Variants in LRP1B observed in about 807,000 individuals in gnomAD.
LRP1B encodes the protein LDL receptor related protein 1B, also known as low-density lipoprotein receptor-related protein 1B.
Under a neutral mutation model 556.6 loss-of-function variants are expected in LRP1B, and 217 were observed. The ratio of observed to expected loss-of-function variants is 0.39; its 90% CI spans 0.35 to 0.44. The LOEUF (loss-of-function observed/expected upper bound fraction) is 0.44, where lower values mean the gene tolerates loss of function less well. Ranked by LOEUF, LRP1B falls within the 20% of genes least tolerant of loss-of-function variation. The pLI is 1.00. For missense variants in LRP1B, 5,053 were observed against 5,620.8 expected (o/e 0.90, Z 3.23); for synonymous variants, 2,047 against 1,865.8 (o/e 1.10, Z -2.50).
chr2:140,901,620 G>T (rs1202907662), intron 23 of LRP1B, among the ~76,000 whole-genome samples: 1 of 151,936 alleles, frequency 6.6e-6, no homozygotes, highest in African/African-American at 2.4e-5. Context: ...CATTATTTTT[G>T]ACTACAGTCA....
intron 25 of LRP1B, among the ~76,000 whole-genome samples, chr2:140,876,116 T>C (rs572184416): frequency 2.0e-4 from 31 of 152,256 alleles, no homozygotes; most frequent in African/African-American, 7.2e-4. Flanking sequence ...TCAGAACTCA[T>C]GGAGAGCTGA....
chr2:141,323,995 T>TCACA (rs57960872), intron 3 of LRP1B, among the ~76,000 whole-genome samples: 52,595 of 106,756 alleles, frequency 0.49, 13,066 homozygotes, highest in Non-Finnish European at 0.57. Flanking sequence ...AGCAAGGAAA[T>TCACA]CACACACACA....
intron 3 of LRP1B, among the ~76,000 whole-genome samples, chr2:141,285,582 C>T (rs1192063028): frequency 3.4e-5 from 5 of 146,970 alleles, no homozygotes; most frequent in Non-Finnish European, 4.5e-5. Context: ...CAGCCTCCCA[C>T]GTAGCTGGAA....
chr2:140,899,979 GA>G (rs57941895), intron 23 of LRP1B, among the ~76,000 whole-genome samples: 9,122 of 148,716 alleles, frequency 0.061, 286 homozygotes, highest in East Asian at 0.11. Flanking sequence ...TTTAAAACAA[GA>G]AAAAAAAACA....
At chr2:141,286,877 G>A (rs190830560) in intron 3 of LRP1B, 3 of 308,908 alleles carry the variant, frequency 9.7e-6, no homozygotes, top group East Asian at 8.7e-5. Flanking sequence ...ATTCTACATC[G>A]GCATTGCCCA....
intron 7 of LRP1B, among the ~76,000 whole-genome samples, chr2:141,152,745 ATATTT>A (rs1558895903): frequency 6.6e-6 from 1 of 151,796 alleles, no homozygotes; most frequent in Non-Finnish European, 1.5e-5. Flanking sequence ...TCCTTCTCAA[ATATTT>A]TATTATCACA....
At chr2:141,160,409 T>A (rs1466211200) in intron 7 of LRP1B, among the ~76,000 whole-genome samples, 3 of 152,134 alleles carry the variant, frequency 2.0e-5, no homozygotes, top group Admixed American at 6.6e-5. Context: ...TAGGTATTTA[T>A]CCTAGAAAAA....
At chr2:141,070,718 T>A (rs1326922716) in intron 7 of LRP1B, among the ~76,000 whole-genome samples, 1 of 152,064 alleles carries the variant, frequency 6.6e-6, no homozygotes, top group Non-Finnish European at 1.5e-5. Context: ...CAGAGAATAC[T>A]ACAAACACCT....
At chr2:141,219,381 T>C (rs866226841) in intron 6 of LRP1B, among the ~76,000 whole-genome samples, 7 of 152,160 alleles carry the variant, frequency 4.6e-5, no homozygotes, top group African/African-American at 1.4e-4. Context: ...TCCTTTCTCA[T>C]TGGGCAGGGC....
chr2:140,364,537 A>AGG, intron 72 of LRP1B, 124 bp downstream of exon 72: 1 of 1,125,634 alleles, frequency 8.9e-7, no homozygotes, highest in Non-Finnish European at 1.2e-6. Flanking sequence ...ATCTGTGGTT[A>AGG]TACTTTATCT....
intron 18 of LRP1B, among the ~76,000 whole-genome samples, chr2:140,969,542 A>T (rs1339003420): frequency 5.9e-5 from 9 of 152,108 alleles, no homozygotes; most frequent in Admixed American, 5.9e-4. Context: ...TAATATTGTT[A>T]TGTGTGAATT....
intron 7 of LRP1B, among the ~76,000 whole-genome samples, chr2:141,107,667 A>T (rs533381124): frequency 2.7e-5 from 4 of 146,866 alleles, no homozygotes; most frequent in African/African-American, 9.9e-5. Context: ...AGAAAGAAAG[A>T]CTATATTTAA....
At chr2:141,579,418 C>T (rs374655343) in intron 2 of LRP1B, among the ~76,000 whole-genome samples, 2 of 152,194 alleles carry the variant, frequency 1.3e-5, no homozygotes, top group East Asian at 3.9e-4. Context: ...AGATCTCCAG[C>T]CTCTATTTTT....
At chr2:141,191,389 C>G (rs942003566) in intron 6 of LRP1B, among the ~76,000 whole-genome samples, 2 of 152,016 alleles carry the variant, frequency 1.3e-5, no homozygotes, top group Admixed American at 1.3e-4. Context: ...CTATCCTATG[C>G]CTCAAAATAC....
At chr2:140,675,818 G>T (rs1053434908) in intron 41 of LRP1B, among the ~76,000 whole-genome samples, 6 of 152,088 alleles carry the variant, frequency 3.9e-5, no homozygotes, top group African/African-American at 9.7e-5. Flanking sequence ...ATGTATGTGT[G>T]TGTGCATACA....
intron 1 of LRP1B, among the ~76,000 whole-genome samples, chr2:141,848,792 C>T (rs1466495834): frequency 1.3e-5 from 2 of 151,320 alleles, no homozygotes; most frequent in Admixed American, 6.6e-5. Flanking sequence ...ATTTAAAAAA[C>T]AAGAGGAAAT....
chr2:141,674,747 G>A (rs2105418853), intron 2 of LRP1B, among the ~76,000 whole-genome samples: 1 of 152,038 alleles, frequency 6.6e-6, no homozygotes, highest in East Asian at 1.9e-4. Context: ...GGAATCGCAG[G>A]GAATTGTATC....
chr2:141,878,286 A>C (rs1420595270), intron 1 of LRP1B, among the ~76,000 whole-genome samples: 3 of 151,980 alleles, frequency 2.0e-5, no homozygotes, highest in African/African-American at 7.2e-5. Flanking sequence ...AAAGGAATTT[A>C]AACAGTCTAT....
chr2:140,555,498 T>C (rs1558965168), intron 43 of LRP1B, among the ~76,000 whole-genome samples: 1 of 152,098 alleles, frequency 6.6e-6, no homozygotes, highest in East Asian at 1.9e-4. Flanking sequence ...CTGGAAAATG[T>C]TAAATAATAT....
Sources: allele counts gnomAD v4.1 joint callset (sites outside exome capture counted in the v4.1 genomes callset), GRCh38; gene constraint gnomAD v4.1.1; transcripts MANE v1.5; gene names NCBI Gene and HGNC (gene_info 2026-07-23, HGNC 2026-07-21).